The following RORA variants were observed in gnomAD, a reference collection of about 807,000 sequenced individuals.
RORA encodes nuclear receptor ROR-alpha.
A neutral mutation model predicts 69.5 loss-of-function variants in RORA; 7 were observed. The ratio of observed to expected loss-of-function variants is 0.10; its 90% confidence interval spans 0.06 to 0.19. The LOEUF (loss-of-function observed/expected upper bound fraction) is 0.19. Ranked by LOEUF, RORA falls within the 10% of genes least tolerant of loss-of-function variation. The pLI is 1.00. For synonymous variants in RORA, 261 were observed against 240.8 expected (o/e 1.08, Z -0.78); for missense variants, 457 against 663.0 (o/e 0.69, Z 3.41).
At chr15:60,939,526 C>T (rs1892624969) in intron 1 of RORA, among the ~76,000 whole-genome samples, 1 of 152,204 alleles carries the variant, frequency 6.6e-6, no homozygotes, top group Admixed American at 6.5e-5. Flanking sequence ...CTTAAGTGTT[C>T]ATTTACCACT....
intron 1 of RORA, among the ~76,000 whole-genome samples, chr15:60,747,605 T>G (rs141338973): frequency 6.6e-6 from 1 of 152,308 alleles, no homozygotes; most frequent in East Asian, 1.9e-4. Context: ...CATTTCAGAA[T>G]TTCAGAATAG....
chr15:60,578,807 A>T (rs2068103896), intron 2 of RORA, among the ~76,000 whole-genome samples: 1 of 145,886 alleles, frequency 6.9e-6, no homozygotes. Flanking sequence ...TCTGTTGCCC[A>T]GGCTGGAGTT....
At chr15:60,575,984 C>T (rs1189033963) in intron 2 of RORA, among the ~76,000 whole-genome samples, 1 of 152,246 alleles carries the variant, frequency 6.6e-6, no homozygotes, top group African/African-American at 2.4e-5. Context: ...CTTCCCAACA[C>T]CCTCTCCAAG....
Position 60,503,430 on chromosome 15 carries a change from T to C in RORA, c.1075+105A>G, listed in dbSNP as rs16942636. The C allele has an allele frequency of 0.012, 13,506 of 1,111,428 alleles. 1,195 individuals are homozygous for C. The African/African-American group carries it at 0.19, about 15-fold the overall frequency. The allele number at this position is 1,111,428 out of a possible 1,614,324, so 68.8% of individuals were successfully genotyped here. A position where few individuals can be genotyped will look rare whatever the true frequency, so the allele number is the denominator to read the frequency against. On this transcript the variant is annotated intron_variant, in intron 7 of 10. Transcript: ENST00000335670. ...CTAAGAAAAACCTGAGCTATTATCATTGGAGAAAAACTGTTCCCGACACCT... is the reference window on the plus strand; with the variant it reads ...CTAAGAAAAACCTGAGCTATTATCACTGGAGAAAAACTGTTCCCGACACCT...
At chr15:60,955,757 C>A (rs1192685271) in intron 1 of RORA, among the ~76,000 whole-genome samples, 1 of 152,168 alleles carries the variant, frequency 6.6e-6, no homozygotes, top group African/African-American at 2.4e-5. Context: ...GAGTCAGGCC[C>A]AAACAAGAAT....
chr15:60,797,031 T>A (rs1010376071), intron 1 of RORA, among the ~76,000 whole-genome samples: 1 of 148,130 alleles, frequency 6.8e-6, no homozygotes, highest in African/African-American at 2.5e-5. Context: ...TATATTTATA[T>A]AATATATAAT....
chr15:60,520,398 G>C (rs1440553498), intron 3 of RORA: 1 of 152,124 alleles, frequency 6.6e-6, no homozygotes, highest in Non-Finnish European at 1.5e-5. Context: ...CTTCTTTTCA[G>C]TATTCCTTGG....
chr15:61,006,415 CAGA>C (rs1487770896), intron 1 of RORA, among the ~76,000 whole-genome samples: 1 of 152,086 alleles, frequency 6.6e-6, no homozygotes, highest in East Asian at 1.9e-4. Context: ...CGTTGGAACT[CAGA>C]AGGTGTCAAG....
At chr15:60,714,594 A>C (rs1329224617) in intron 1 of RORA, among the ~76,000 whole-genome samples, 1 of 151,320 alleles carries the variant, frequency 6.6e-6, no homozygotes, top group African/African-American at 2.4e-5. Context: ...CGAACTCCTG[A>C]CCTCAGGTGA....
intron 1 of RORA, among the ~76,000 whole-genome samples, chr15:60,945,781 A>G (rs1892852289): frequency 6.6e-6 from 1 of 152,232 alleles, no homozygotes; most frequent in African/African-American, 2.4e-5. Flanking sequence ...GAGACCTGAA[A>G]TCGAGAGGTC....
chr15:60,989,544 AAT>A (rs1287751585), intron 1 of RORA, among the ~76,000 whole-genome samples: 1 of 152,082 alleles, frequency 6.6e-6, no homozygotes, highest in Non-Finnish European at 1.5e-5. Flanking sequence ...TTTCTGTGTG[AAT>A]ATATGTTTTT....
intron 1 of RORA, among the ~76,000 whole-genome samples, chr15:61,063,706 A>C (rs541149306): frequency 6.6e-6 from 1 of 152,328 alleles, no homozygotes; most frequent in Non-Finnish European, 1.5e-5. Flanking sequence ...CATGGGTATA[A>C]AGTATTTAGA....
intron 2 of RORA, among the ~76,000 whole-genome samples, chr15:60,632,310 T>A (rs538691642): frequency 6.6e-6 from 1 of 152,120 alleles, no homozygotes; most frequent in East Asian, 1.9e-4. Context: ...GGTTTCACCG[T>A]GTTAGCCAGG....
intron 5 of RORA, among the ~76,000 whole-genome samples, chr15:60,508,161 G>C (rs2065574642): frequency 6.6e-6 from 1 of 152,234 alleles, no homozygotes; most frequent in South Asian, 2.1e-4. Context: ...TGGTCTCTCA[G>C]ATAAAGTCTG....
At chr15:60,770,614 G>A (rs187488303) in intron 1 of RORA, among the ~76,000 whole-genome samples, 3 of 152,198 alleles carry the variant, frequency 2.0e-5, no homozygotes, top group East Asian at 3.9e-4. Flanking sequence ...GCTCCTTTAC[G>A]TTTGTTTGTT....
At chr15:61,024,792 A>G (rs755137892) in intron 1 of RORA, among the ~76,000 whole-genome samples, 9 of 151,340 alleles carry the variant, frequency 5.9e-5, no homozygotes, top group Non-Finnish European at 1.0e-4. Context: ...GAGTCTCCCA[A>G]TGTTGCCCAG....
intron 1 of RORA, among the ~76,000 whole-genome samples, chr15:60,836,508 T>C (rs934043600): frequency 7.5e-4 from 114 of 152,240 alleles, no homozygotes; most frequent in African/African-American, 2.6e-3. Context: ...TGCTCCACAC[T>C]TTCCCTGGAC....
At chr15:60,716,730 C>T (rs1334691494) in intron 1 of RORA, among the ~76,000 whole-genome samples, 1 of 152,098 alleles carries the variant, frequency 6.6e-6, no homozygotes, top group Non-Finnish European at 1.5e-5. Context: ...AGAGTCCCAC[C>T]CTATACTCTG....
At chr15:61,028,522 C>T (rs1895952816) in intron 1 of RORA, among the ~76,000 whole-genome samples, 3 of 152,128 alleles carry the variant, frequency 2.0e-5, no homozygotes, top group South Asian at 4.1e-4. Context: ...AGTACCTGCC[C>T]CCTCTAGTTT....
Sources: gnomAD v4.1 joint callset for allele counts (sites outside exome capture counted in the v4.1 genomes callset) on GRCh38, gnomAD v4.1.1 for gene constraint, MANE v1.5 for transcripts, NCBI Gene and HGNC (gene_info 2026-07-23, HGNC 2026-07-21) for gene names.